UFL1: variants seen among roughly 807,000 people sequenced by gnomAD.
UFL1 encodes the protein UFM1 specific ligase 1, also known as E3 UFM1-protein ligase 1.
A neutral mutation model predicts 99.3 loss-of-function variants in UFL1; 78 were observed. The observed-to-expected ratio is 0.79, with a 90% CI of 0.65 to 0.95. The LOEUF (loss-of-function observed/expected upper bound fraction) is 0.95, where lower values mean the gene tolerates loss of function less well. Among genes scored for constraint, UFL1 ranks in the 40% least tolerant of loss-of-function variants. UFL1 has a pLI of 0.00. For synonymous variants in UFL1, 335 were observed against 322.2 expected (o/e 1.04, Z -0.42); for missense variants, 936 against 937.0 (o/e 1.00, Z 0.01).
intron 6 of UFL1, among the ~76,000 whole-genome samples, chr6:96,531,382 T>C (rs938217911): frequency 2.0e-4 from 31 of 152,368 alleles, no homozygotes; most frequent in South Asian, 6.2e-4. Flanking sequence ...TTCTTTTCCA[T>C]GTTTGTAGCT....
In UFL1 at chr6:96,553,459, G is replaced by A. The variant is rs1244696275; in HGVS notation, c.2341G>A (p.Asp781Asn). 1.2e-6 allele frequency: 2 copies of A among 1,613,514 alleles called. No homozygotes were observed. Among genetic ancestry groups the A allele is most frequent in the Non-Finnish European group, 1.7e-6 (2 of 1,179,786 alleles). The change falls in exon 19 of 19, where the codon GAC (aspartate) becomes AAC (asparagine). Residue 781 changes from aspartate (D) to asparagine (N), a missense_variant. Transcript: ENST00000369278. ...ELQELSSSIKDLVLKSRKSSV... is the reference protein window; with the variant it reads ...ELQELSSSIKNLVLKSRKSSV... The stretch of plus-strand genomic sequence containing the variant: ...TCAAGAACTTTCTTCATCCATTAAA[G>A]ACCTTGTTCTCAAATCTAGGAAATC...
Position 96,538,808 on chromosome 6 carries a change from A to G in UFL1, c.1156A>G (p.Lys386Glu), listed in dbSNP as rs1425949026. 2.5e-6 allele frequency: 4 copies of G among 1,591,806 alleles called. No homozygotes were observed. The highest frequency in any genetic ancestry group is 3.4e-5 in the Admixed American group (2 of 58,282). The change falls in exon 10 of 19, where the codon AAG becomes GAG. Residue 386 changes from lysine (K) to glutamate (E), a missense_variant and splice_region_variant. Transcript: ENST00000369278. ...FRELMHQKAE[K>E]EMKNNPVHLI... ...TGAGCTGATGCACCAGAAAGCTGAA[A>G]AGGTATTCCAGATTTCCTTTTATCT...
intron 6 of UFL1, among the ~76,000 whole-genome samples, chr6:96,533,583 C>G (rs1769812628): frequency 1.3e-5 from 2 of 151,892 alleles, no homozygotes; most frequent in African/African-American, 2.4e-5. Context: ...CAGGAATTAA[C>G]TGCAGATAGC....
chr6:96,543,161 C>A, intron 12 of UFL1, 145 bp downstream of exon 12: 1 of 883,304 alleles, frequency 1.1e-6, no homozygotes, highest in Non-Finnish European at 1.7e-6. Context: ...AGTTACCACA[C>A]TTTAGTTAAA....
At position 96,524,313 on chromosome 6, in the gene UFL1, G is replaced by A. The variant is rs140955764; in HGVS notation, c.224-69G>A. 1.7e-5 allele frequency: 25 copies of A among 1,429,120 alleles called. No homozygotes were observed. In the African/African-American group the frequency reaches 2.2e-4, roughly 13 times the overall value. 88.5% of individuals were successfully genotyped at this position (1,429,120 alleles called of 1,614,324 possible). ...GACTTTGACCAAAACTTAAATGTTAGAATTTATAGCTTTGGGTTGGTATGT... is the reference window on the plus strand; with the variant it reads ...GACTTTGACCAAAACTTAAATGTTAAAATTTATAGCTTTGGGTTGGTATGT... On this transcript the variant is annotated intron_variant, in intron 2 of 18. Coordinates refer to ENST00000369278, the MANE Select transcript of UFL1 (RefSeq NM_015323.5).
Position 96,536,245 on chromosome 6 carries a change from T to G in UFL1, c.657T>G (p.Ser219=). The G allele has an allele frequency of 6.2e-7, 1 of 1,607,820 alleles. No homozygotes were observed. Among genetic ancestry groups the G allele is most frequent in the Non-Finnish European group, 8.5e-7 (1 of 1,175,672 alleles). ...KYGFQEQLLY[S]VLEELVNSGR... ...GTATTCATGTGGGTTTGTTTTAAGC[T>G]GTGCTTGAGGAACTTGTTAATAGCG... Residue 219 remains serine (S), a splice_region_variant and synonymous_variant, in exon 8 of 19, where the codon TCT becomes TCG. Transcript: ENST00000369278.
rs1770098030 is a variant in UFL1 at position 96,552,550 on chromosome 6, T to A, written c.2054T>A (p.Ile685Asn). The A allele has an allele frequency of 2.5e-6, 4 of 1,613,202 alleles. No individual in the cohort carries two copies. The highest frequency in any genetic ancestry group is 3.4e-6 in the Non-Finnish European group (4 of 1,179,676). ...QLKVTEDPAL[I>N]LHLTSVLLFQ... ...AAGGTCACAGAAGACCCTGCTCTTA[T>A]TCTGCACCTCACATCAGTCCTGTTG... is the stretch of plus-strand genomic sequence containing the variant. Residue 685 changes from isoleucine (I) to asparagine (N), a missense_variant, in exon 18 of 19, where the codon ATT (isoleucine) becomes AAT (asparagine). Transcript: ENST00000369278.
chr6:96,540,390 G>C (rs558206460), intron 10 of UFL1, 145 bp from the exon 11 acceptor site: 1 of 1,047,234 alleles, frequency 9.5e-7, no homozygotes, highest in Non-Finnish European at 1.3e-6. Context: ...AGAAACATTT[G>C]CCTTAGAGTG....
intron 15 of UFL1, among the ~76,000 whole-genome samples, chr6:96,550,843 C>G (rs1353822942): frequency 2.0e-5 from 3 of 151,984 alleles, no homozygotes. Context: ...AGCAACTAGC[C>G]CTTAATCTTC....
At chr6:96,553,144 G>T in intron 18 of UFL1, 141 bp from the exon 19 acceptor site, 1 of 679,754 alleles carries the variant, frequency 1.5e-6, no homozygotes. Context: ...AGCAGAAACT[G>T]CTAGATTAGA....
intron 9 of UFL1, 116 bp downstream of exon 9, chr6:96,537,665 C>T: frequency 1.0e-6 from 1 of 988,086 alleles, no homozygotes; most frequent in Non-Finnish European, 1.4e-6. Context: ...GAGGCAAATT[C>T]TAATCATTGT....
chr6:96,544,602 C>T lies in UFL1; in HGVS notation c.1402+1586C>T, dbSNP rs528441835. Among the ~76,000 whole-genome samples, 3 of 150,988 alleles carry T rather than the reference C, an allele frequency of 2.0e-5. No individual in the cohort carries two copies. In the South Asian group the frequency reaches 6.2e-4, roughly 31 times the overall value. On this transcript the variant is annotated intron_variant, in intron 12 of 18. Coordinates refer to ENST00000369278, the MANE Select transcript of UFL1 (RefSeq NM_015323.5). ...AGTATTCTGAGATAGGTAGAAATAACTACTGTTCTTCATGTATGTAAAACA... is the reference window on the plus strand; with the variant it reads ...AGTATTCTGAGATAGGTAGAAATAATTACTGTTCTTCATGTATGTAAAACA...
chr6:96,549,468 CT>C lies in UFL1; in HGVS notation c.1579del (p.Ser527LeufsTer32). 6.3e-7 allele frequency: 1 copy of C among 1,596,106 alleles called. No homozygotes were observed. Among genetic ancestry groups the C allele is most frequent in the Non-Finnish European group, 8.5e-7 (1 of 1,175,016 alleles). ...VVRSVFMSST[T>X]SASGTGRKRT... Reference sequence around the variant, plus strand: ...CGTTCAGTATTCATGTCTTCAACAACTTCTGCTTCTGGGACGGGCAGAAAAC... The same window carrying C: ...CGTTCAGTATTCATGTCTTCAACAACTCTGCTTCTGGGACGGGCAGAAAAC... On this transcript the variant is annotated frameshift_variant, in exon 14 of 19. Transcript: ENST00000369278. LOFTEE classifies it high-confidence loss of function.
intron 4 of UFL1, among the ~76,000 whole-genome samples, chr6:96,525,896 G>A (rs1273780241): frequency 1.3e-5 from 2 of 151,532 alleles, no homozygotes; most frequent in Admixed American, 1.3e-4. Flanking sequence ...TGGGCAACAT[G>A]GCAAAACCCA....
At chr6:96,552,395 TA>T in intron 17 of UFL1, 86 bp from the exon 18 acceptor site, 1 of 1,398,840 alleles carries the variant, frequency 7.1e-7, no homozygotes, top group Non-Finnish European at 9.4e-7. Context: ...CTAGAGAAGC[TA>T]AAAATTAACA....
chr6:96,524,307 A>G lies in UFL1; in HGVS notation c.224-75A>G, dbSNP rs151060821. Reference sequence around the variant, plus strand: ...ATGCAGGACTTTGACCAAAACTTAAATGTTAGAATTTATAGCTTTGGGTTG... The same window carrying G: ...ATGCAGGACTTTGACCAAAACTTAAGTGTTAGAATTTATAGCTTTGGGTTG... On this transcript the variant is annotated intron_variant, in intron 2 of 18. Transcript: ENST00000369278. 6 of 1,393,688 alleles carry G rather than the reference A, an allele frequency of 4.3e-6. No individual in the cohort carries two copies. The East Asian group carries it at 1.2e-4, about 29-fold the overall frequency. The allele number at this position is 1,393,688 out of a possible 1,614,324, so 86.3% of individuals were successfully genotyped here.
chr6:96,540,551 C>A lies in UFL1; in HGVS notation c.1175C>A (p.Pro392His). Residue 392 changes from proline to histidine, a missense_variant, in exon 11 of 19, where the codon CCT (proline) becomes CAT (histidine). By Grantham distance (77) the Pro-to-His change is moderately conservative. Transcript: ENST00000369278. ...QKAEKEMKNNPVHLITEEDLK... is the reference protein window; with the variant it reads ...QKAEKEMKNNHVHLITEEDLK... ...TTATTTTAGGAAATGAAAAATAATC[C>A]TGTGCATTTAATCACTGAAGAAGAT... is the stretch of plus-strand genomic sequence containing the variant. The A allele has an allele frequency of 1.2e-6, 2 of 1,602,960 alleles. No individual in the cohort carries two copies. The highest frequency in any genetic ancestry group is 8.5e-7 in the Non-Finnish European group (1 of 1,175,048).
At chr6:96,551,561 AC>A in intron 16 of UFL1, 48 bp downstream of exon 16, 3 of 1,278,866 alleles carry the variant, frequency 2.3e-6, no homozygotes, top group Non-Finnish European at 3.2e-6. Context: ...GCAGTTTGTT[AC>A]AAAGATCTTT....
chr6:96,529,918 G>T (rs546004640), intron 6 of UFL1, among the ~76,000 whole-genome samples: 10 of 152,106 alleles, frequency 6.6e-5, no homozygotes, highest in Non-Finnish European at 1.3e-4. Flanking sequence ...TTGAGAGGAG[G>T]TTGCTGACAT....
Sources: allele counts gnomAD v4.1 joint callset (sites outside exome capture counted in the v4.1 genomes callset), GRCh38; gene constraint gnomAD v4.1.1; transcripts MANE v1.5; gene names NCBI Gene and HGNC (gene_info 2026-07-23, HGNC 2026-07-21).